The following NCKAP5 variants were observed in gnomAD, a reference collection of about 807,000 sequenced individuals.
NCKAP5 encodes the protein nck-associated protein 5.
Under a neutral mutation model 167.0 loss-of-function variants are expected in NCKAP5, and 92 were observed. The ratio of observed to expected loss-of-function variants is 0.55; its 90% CI spans 0.47 to 0.66. NCKAP5 has a LOEUF of 0.66. Ranked by LOEUF, NCKAP5 falls within the 30% of genes least tolerant of loss-of-function variation. The pLI, the probability that NCKAP5 is intolerant of heterozygous loss-of-function variation, is 0.00. For synonymous variants in NCKAP5, 891 were observed against 877.4 expected, an observed-to-expected ratio of 1.02 and a Z score of -0.27; for missense variants, 2,378 against 2,315.0, an observed-to-expected ratio of 1.03 and a Z score of -0.56.
chr2:133,373,815 C>T (rs1259242848), intron 3 of NCKAP5, among the ~76,000 whole-genome samples: 2 of 152,174 alleles, frequency 1.3e-5, no homozygotes, highest in East Asian at 3.9e-4. Context: ...AAAGGAAATA[C>T]AACGGAGAAA....
At chr2:133,114,902 C>G (rs1366527314) in intron 6 of NCKAP5, among the ~76,000 whole-genome samples, 1 of 152,086 alleles carries the variant, frequency 6.6e-6, no homozygotes, top group East Asian at 1.9e-4. Flanking sequence ...ATAAATGTCT[C>G]TCTCTGGTAT....
At chr2:133,507,362 C>T (rs965710818) in intron 3 of NCKAP5, among the ~76,000 whole-genome samples, 15 of 152,252 alleles carry the variant, frequency 9.9e-5, no homozygotes, top group Admixed American at 3.9e-4. Flanking sequence ...GAGCAGTCAA[C>T]GAATTAATTG....
chr2:133,558,304 G>A (rs1318239801), intron 2 of NCKAP5: 1 of 152,254 alleles, frequency 6.6e-6, no homozygotes, highest in Non-Finnish European at 1.5e-5. Flanking sequence ...CTTTGCTCTG[G>A]AGAGGAGGAG....
At chr2:133,405,509 A>G (rs144558549) in intron 3 of NCKAP5, among the ~76,000 whole-genome samples, 332 of 152,344 alleles carry the variant, frequency 2.2e-3, no homozygotes, top group Non-Finnish European at 3.4e-3. Flanking sequence ...AAGTGAAACC[A>G]GAAGGCGGGG....
At chr2:133,581,762 G>A in the NCKAP5 span, among the ~76,000 whole-genome samples, 49 of 152,276 alleles carry the variant, frequency 3.2e-4, no homozygotes, top group African/African-American at 1.1e-3. Flanking sequence ...GGAAATATAA[G>A]AACCTCCATC....
At chr2:133,098,368 G>A (rs1421786938) in intron 6 of NCKAP5, among the ~76,000 whole-genome samples, 1 of 152,074 alleles carries the variant, frequency 6.6e-6, no homozygotes, top group African/African-American at 2.4e-5. Flanking sequence ...CTGCAGAATT[G>A]GATATTACAT....
intron 11 of NCKAP5, among the ~76,000 whole-genome samples, chr2:132,832,974 G>A (rs535529089): frequency 6.6e-6 from 1 of 152,170 alleles, no homozygotes; most frequent in South Asian, 2.1e-4. Context: ...CATAAAGGTT[G>A]CACTAATTTA....
chr2:132,976,827 T>C (rs892746158), intron 7 of NCKAP5, among the ~76,000 whole-genome samples: 2 of 152,082 alleles, frequency 1.3e-5, no homozygotes, highest in African/African-American at 4.8e-5. Context: ...CTCTGTTCTC[T>C]AGATGACCGA....
intron 16 of NCKAP5, among the ~76,000 whole-genome samples, chr2:132,741,056 A>G (rs1453396481): frequency 6.6e-6 from 1 of 152,040 alleles, no homozygotes; most frequent in Non-Finnish European, 1.5e-5. Flanking sequence ...ATGTATTCCA[A>G]ATGCCCACAC....
intron 8 of NCKAP5, among the ~76,000 whole-genome samples, chr2:132,891,810 C>T (rs1197848597): frequency 6.6e-6 from 1 of 152,214 alleles, no homozygotes; most frequent in African/African-American, 2.4e-5. Context: ...AGTGGTAAAG[C>T]AGATCTATCT....
chr2:133,606,059 C>T, the NCKAP5 span, among the ~76,000 whole-genome samples: 1 of 152,122 alleles, frequency 6.6e-6, no homozygotes, highest in Admixed American at 6.5e-5. Context: ...TGTAAGTTAA[C>T]AGTGGAAAAG....
At chr2:133,000,570 C>A (rs1436275090) in intron 6 of NCKAP5, among the ~76,000 whole-genome samples, 1 of 152,144 alleles carries the variant, frequency 6.6e-6, no homozygotes, top group Admixed American at 6.6e-5. Context: ...TTTGGATGTT[C>A]AAGACAAACA....
the NCKAP5 span, among the ~76,000 whole-genome samples, chr2:133,596,780 A>G: frequency 1.6e-5 from 2 of 124,538 alleles, no homozygotes; most frequent in Non-Finnish European, 3.2e-5. Flanking sequence ...TGAAAAATAA[A>G]CACATGGCTT....
At chr2:133,613,528 C>T in the NCKAP5 span, among the ~76,000 whole-genome samples, 1 of 152,176 alleles carries the variant, frequency 6.6e-6, no homozygotes, top group African/African-American at 2.4e-5. Flanking sequence ...CAGTGTTTCA[C>T]ATTAGCTTGA....
At chr2:132,789,457 A>G (rs1476719369) in intron 13 of NCKAP5, among the ~76,000 whole-genome samples, 4 of 152,160 alleles carry the variant, frequency 2.6e-5, no homozygotes, top group Non-Finnish European at 5.9e-5. Flanking sequence ...TCCCTCATCA[A>G]TATCTCCTGG....
chr2:132,949,910 A>T (rs939608795), intron 8 of NCKAP5, among the ~76,000 whole-genome samples: 2 of 152,174 alleles, frequency 1.3e-5, no homozygotes, highest in Admixed American at 1.3e-4. Context: ...CCTGGCTAAC[A>T]TAGTGAAACT....
intron 3 of NCKAP5, among the ~76,000 whole-genome samples, chr2:133,355,833 T>C: frequency 6.6e-6 from 1 of 152,292 alleles, no homozygotes; most frequent in South Asian, 2.1e-4. Flanking sequence ...TTCTTTTTAT[T>C]TTTTTAACCT....
the NCKAP5 span, among the ~76,000 whole-genome samples, chr2:133,670,881 A>C: frequency 2.0e-5 from 3 of 152,176 alleles, no homozygotes; most frequent in Non-Finnish European, 2.9e-5. Context: ...CATCTGTAGC[A>C]AAGGCCCTAA....
Position 133,221,121 on chromosome 2 carries a change from A to C in NCKAP5, c.144-7342T>G, listed in dbSNP as rs138822869. Among the ~76,000 whole-genome samples the C allele has an allele frequency of 6.8e-3, 1,036 of 151,650 alleles. 12 individuals are homozygous for C. Among genetic ancestry groups the C allele is most frequent in the African/African-American group, 0.024 (987 of 40,890 alleles). ...ATACTCTGTGAGTTGATGAACATGC[A>C]GGATGATCTGTGTGATCACTTGATC... On this transcript the variant is annotated intron_variant, in intron 4 of 19. Coordinates refer to ENST00000409261, the MANE Select transcript of NCKAP5 (RefSeq NM_207363.3).
Sources: allele counts gnomAD v4.1 joint callset (sites outside exome capture counted in the v4.1 genomes callset), GRCh38; gene constraint gnomAD v4.1.1; transcripts MANE v1.5; gene names NCBI Gene and HGNC (gene_info 2026-07-23, HGNC 2026-07-21).